The following LRFN2 variants were observed in gnomAD, a reference collection of about 807,000 sequenced individuals.
LRFN2 encodes the protein leucine-rich repeat and fibronectin type-III domain-containing protein 2.
In LRFN2, 18 loss-of-function variants were observed where a neutral mutation model predicts 37.3. The observed-to-expected ratio is 0.48, with a 90% CI of 0.33 to 0.72. The LOEUF is 0.72. Ranked by LOEUF, LRFN2 falls within the 30% of genes least tolerant of loss-of-function variation. LRFN2 has a pLI of 0.02. For missense variants in LRFN2, 1,006 were observed against 1,060.7 expected (o/e 0.95, Z 0.72); for synonymous variants, 556 against 466.6 (o/e 1.19, Z -2.47).
intron 1 of LRFN2, among the ~76,000 whole-genome samples, chr6:40,523,486 C>A (rs1163657353): frequency 2.7e-5 from 4 of 147,390 alleles, no homozygotes; most frequent in Non-Finnish European, 5.9e-5. Context: ...GCTTTAGGAC[C>A]CTAAAGCATC....
chr6:40,444,096 G>A (rs569624016), intron 1 of LRFN2, among the ~76,000 whole-genome samples: 27 of 152,294 alleles, frequency 1.8e-4, no homozygotes, highest in African/African-American at 2.2e-4. Context: ...GTAGTTGCCC[G>A]CACAGGTCAG....
chr6:40,400,521 A>T (rs1439716586), intron 2 of LRFN2, among the ~76,000 whole-genome samples: 2 of 150,964 alleles, frequency 1.3e-5, no homozygotes, highest in Non-Finnish European at 3.0e-5. Flanking sequence ...CCCAGGCTCA[A>T]GCAATTCTCC....
rs1767057745 is a variant in LRFN2 at position 40,564,722 on chromosome 6, C to T, written c.-19+22219G>A. ...AAAATGTAAATCTGGGTTCCTTTCCCTTAAATTATAATCCTTCAGTGCCTC... is the reference window on the plus strand; with the variant it reads ...AAAATGTAAATCTGGGTTCCTTTCCTTTAAATTATAATCCTTCAGTGCCTC... On this transcript the variant is annotated intron_variant, in intron 1 of 2. Transcript: ENST00000338305. 2.0e-5 allele frequency among the ~76,000 whole-genome samples: 3 copies of T among 152,284 alleles called. No individual in the cohort carries two copies. In the South Asian group the frequency reaches 6.2e-4, roughly 32 times the overall value.
chr6:40,413,035 C>A (rs1763007828), intron 2 of LRFN2, among the ~76,000 whole-genome samples: 1 of 152,212 alleles, frequency 6.6e-6, no homozygotes, highest in Non-Finnish European at 1.5e-5. Flanking sequence ...CCAGAGAGCA[C>A]CGTTTGGGGT....
At chr6:40,480,755 G>T (rs1029348159) in intron 1 of LRFN2, among the ~76,000 whole-genome samples, 6 of 152,150 alleles carry the variant, frequency 3.9e-5, no homozygotes, top group African/African-American at 1.4e-4. Flanking sequence ...CTGCAGGGAG[G>T]GTTGTGATTA....
In LRFN2 at chr6:40,441,019, C is replaced by T. The variant is rs75630871; in HGVS notation, c.-18-7888G>A. Among the ~76,000 whole-genome samples, 1,264 of 152,190 alleles carry T rather than the reference C, an allele frequency of 8.3e-3. 16 individuals are homozygous for T. Among genetic ancestry groups the T allele is most frequent in the African/African-American group, 0.029 (1,204 of 41,524 alleles). On this transcript the variant is annotated intron_variant, in intron 1 of 2. Coordinates refer to ENST00000338305, the MANE Select transcript of LRFN2 (RefSeq NM_020737.3). Reference sequence around the variant, plus strand: ...AACTGAGACTGGGCCGCTGTAGAAACGTGAGATGCAGGGAAATAAAAAATG... The same window carrying T: ...AACTGAGACTGGGCCGCTGTAGAAATGTGAGATGCAGGGAAATAAAAAATG...
chr6:40,585,132 C>T (rs952169312), intron 1 of LRFN2, among the ~76,000 whole-genome samples: 1 of 152,182 alleles, frequency 6.6e-6, no homozygotes, highest in Non-Finnish European at 1.5e-5. Context: ...TTCTTCTAGA[C>T]AGGAGATGGA....
intron 1 of LRFN2, among the ~76,000 whole-genome samples, chr6:40,466,134 T>G (rs1764460447): frequency 6.6e-6 from 1 of 152,128 alleles, no homozygotes; most frequent in South Asian, 2.1e-4. Context: ...ATGGGATAAT[T>G]ATCTGCAAGA....
At chr6:40,547,086 A>T (rs575767909) in intron 1 of LRFN2, among the ~76,000 whole-genome samples, 1 of 151,970 alleles carries the variant, frequency 6.6e-6, no homozygotes, top group Non-Finnish European at 1.5e-5. Flanking sequence ...GTTGTAAAAA[A>T]AATGGCAATA....
intron 1 of LRFN2, among the ~76,000 whole-genome samples, chr6:40,521,810 GGA>G (rs1766076869): frequency 6.6e-6 from 1 of 152,116 alleles, no homozygotes; most frequent in Admixed American, 6.5e-5. Flanking sequence ...GGGAGGGGTG[GGA>G]GAAGCTGAAC....
chr6:40,446,416 T>C (rs1200092548), intron 1 of LRFN2, among the ~76,000 whole-genome samples: 4 of 152,340 alleles, frequency 2.6e-5, no homozygotes, highest in East Asian at 3.9e-4. Context: ...GATCTCCCCC[T>C]TCCCTGCTGC....
intron 2 of LRFN2, among the ~76,000 whole-genome samples, chr6:40,429,682 C>T (rs1228933734): frequency 1.3e-5 from 2 of 152,112 alleles, no homozygotes; most frequent in African/African-American, 2.4e-5. Flanking sequence ...AATTCAACTC[C>T]TAGAAAAATA....
chr6:40,491,290 C>G (rs563673248), intron 1 of LRFN2, among the ~76,000 whole-genome samples: 2 of 152,306 alleles, frequency 1.3e-5, no homozygotes, highest in African/African-American at 4.8e-5. Flanking sequence ...ACAATATTCC[C>G]TGGGTGCCCA....
chr6:40,509,596 G>T (rs975705584), intron 1 of LRFN2, among the ~76,000 whole-genome samples: 6 of 152,044 alleles, frequency 3.9e-5, no homozygotes, highest in African/African-American at 1.4e-4. Context: ...ATATGCCAGG[G>T]AATATTGGGC....
At chr6:40,586,859 G>T (rs1378911117) in intron 1 of LRFN2, 82 bp downstream of exon 1, 1 of 152,276 alleles carries the variant, frequency 6.6e-6, no homozygotes, top group Non-Finnish European at 1.5e-5. Flanking sequence ...AAAGTTCCCG[G>T]TTCCCTCGGG....
chr6:40,480,836 T>C (rs1284563248), intron 1 of LRFN2, among the ~76,000 whole-genome samples: 1 of 152,198 alleles, frequency 6.6e-6, no homozygotes, highest in Non-Finnish European at 1.5e-5. Context: ...CATTAAATGG[T>C]AGCTATTATT....
At chr6:40,493,911 CT>C in intron 1 of LRFN2, among the ~76,000 whole-genome samples, 1 of 152,340 alleles carries the variant, frequency 6.6e-6, no homozygotes, top group East Asian at 1.9e-4. Flanking sequence ...CTAGGTATGT[CT>C]ATTGGCCAGG....
chr6:40,416,077 T>C (rs148347825), intron 2 of LRFN2, among the ~76,000 whole-genome samples: 3,317 of 152,264 alleles, frequency 0.022, 124 homozygotes, highest in African/African-American at 0.072. Context: ...GGCGGAATCT[T>C]GGCTCACTGC....
intron 1 of LRFN2, among the ~76,000 whole-genome samples, chr6:40,458,128 A>G (rs1193023633): frequency 6.6e-6 from 1 of 152,240 alleles, no homozygotes; most frequent in Non-Finnish European, 1.5e-5. Flanking sequence ...ATTCTAATTA[A>G]TAGATCTCTT....
Sources: allele counts gnomAD v4.1 joint callset (sites outside exome capture counted in the v4.1 genomes callset), GRCh38; gene constraint gnomAD v4.1.1; transcripts MANE v1.5; gene names NCBI Gene and HGNC (gene_info 2026-07-23, HGNC 2026-07-21).